NRG1: variants seen among roughly 807,000 people sequenced by gnomAD.
NRG1 encodes pro-neuregulin-1, membrane-bound isoform.
Under a neutral mutation model 63.8 loss-of-function variants are expected in NRG1, and 18 were observed. The observed-to-expected ratio is 0.28, with a 90% CI of 0.19 to 0.42. The LOEUF (loss-of-function observed/expected upper bound fraction) is 0.42. Ranked by LOEUF, NRG1 falls within the 10% of genes least tolerant of loss-of-function variation. The probability of loss-of-function intolerance (pLI) is 1.00; values close to 1 mark genes in which losing one functional copy is unlikely to be tolerated. For synonymous variants in NRG1, 302 were observed against 301.3 expected, an observed-to-expected ratio of 1.00 and a Z score of -0.02; for missense variants, 762 against 814.7, an observed-to-expected ratio of 0.94 and a Z score of 0.79.
chr8:32,007,997 T>C (rs747250314), intron 1 of NRG1, among the ~76,000 whole-genome samples: 6 of 152,000 alleles, frequency 3.9e-5, no homozygotes, highest in Non-Finnish European at 8.8e-5. Context: ...TGCTACATCA[T>C]GAAAGCTTAA....
intron 1 of NRG1, among the ~76,000 whole-genome samples, chr8:32,389,371 G>T (rs1395103265): frequency 6.6e-6 from 1 of 152,162 alleles, no homozygotes; most frequent in Non-Finnish European, 1.5e-5. Context: ...TTCAACCTGT[G>T]GGAGACCTAG....
rs182115483 is a variant in NRG1 at position 31,725,323 on chromosome 8, T to C, written c.37+85892T>C. On this transcript the variant is annotated intron_variant, in intron 1 of 10. Coordinates refer to the NRG1 transcript ENST00000519301. ...GATACTGAGAACATGCCTTGGCATA[T>C]GTTCCCAGCTAACGTTTGAGAAAAC... is the stretch of plus-strand genomic sequence containing the variant. Among the ~76,000 whole-genome samples the C allele has an allele frequency of 2.8e-3, 434 of 152,326 alleles. 3 individuals are homozygous for C. Among genetic ancestry groups the C allele is most frequent in the Non-Finnish European group, 5.4e-3 (367 of 68,020 alleles).
chr8:31,889,341 G>C (rs1830968012), intron 1 of NRG1, among the ~76,000 whole-genome samples: 1 of 152,114 alleles, frequency 6.6e-6, no homozygotes, highest in Admixed American at 6.5e-5. Flanking sequence ...TAAACTTCCT[G>C]AATTTGAAAA....
At chr8:31,917,031 C>T (rs1326292597) in intron 1 of NRG1, among the ~76,000 whole-genome samples, 69 of 151,468 alleles carry the variant, frequency 4.6e-4, no homozygotes, top group Non-Finnish European at 2.4e-4. Flanking sequence ...TCATGTCCTT[C>T]GCCCACTTTT....
At chr8:31,642,920 A>G (rs953062840) in intron 1 of NRG1, among the ~76,000 whole-genome samples, 3 of 152,182 alleles carry the variant, frequency 2.0e-5, no homozygotes, top group Middle Eastern at 3.2e-3. Context: ...AGCAAATAAT[A>G]TCAGCTATTT....
chr8:32,647,717 G>A (rs767911834), intron 5 of NRG1: 8 of 1,554,898 alleles, frequency 5.1e-6, no homozygotes, highest in African/African-American at 1.4e-5. Flanking sequence ...GAGGTGAGCC[G>A]ATGGAGATTT....
At chr8:32,560,547 G>T (rs542483412) in intron 1 of NRG1, among the ~76,000 whole-genome samples, 57 of 152,230 alleles carry the variant, frequency 3.7e-4, no homozygotes, top group Admixed American at 9.8e-4. Context: ...GGAGTTGATG[G>T]GTAGCAGTTT....
intron 1 of NRG1, among the ~76,000 whole-genome samples, chr8:32,056,807 A>G (rs1823023011): frequency 6.6e-6 from 1 of 152,204 alleles, no homozygotes; most frequent in Admixed American, 6.6e-5. Flanking sequence ...TGAAACTAAA[A>G]TAAGGCTTGC....
intron 1 of NRG1, among the ~76,000 whole-genome samples, chr8:32,382,282 G>A (rs1324730413): frequency 1.3e-5 from 2 of 152,074 alleles, no homozygotes; most frequent in African/African-American, 2.4e-5. Context: ...GTTTGTTGGC[G>A]ACTAGATAAT....
At chr8:32,727,998 G>A (rs1224695823) in exon 6 of NRG1, 3 of 1,614,096 alleles carry the variant, frequency 1.9e-6, no homozygotes, top group Non-Finnish European at 2.5e-6. Flanking sequence ...AATGTGCGGA[G>A]AAGGAGAAAA....
chr8:32,206,757 A>G (rs1387187289), intron 1 of NRG1, among the ~76,000 whole-genome samples: 3 of 152,174 alleles, frequency 2.0e-5, no homozygotes, highest in African/African-American at 4.8e-5. Flanking sequence ...TGTACATTGT[A>G]CGCATTAAGT....
intron 5 of NRG1, among the ~76,000 whole-genome samples, chr8:32,690,437 C>T (rs1033656749): frequency 2.6e-5 from 4 of 152,062 alleles, no homozygotes; most frequent in South Asian, 2.1e-4. Flanking sequence ...GCAAATTTAT[C>T]GTGGCTGGAC....
chr8:31,687,223 G>A (rs1808993442), intron 1 of NRG1, among the ~76,000 whole-genome samples: 1 of 152,100 alleles, frequency 6.6e-6, no homozygotes, highest in African/African-American at 2.4e-5. Flanking sequence ...TGCCCCTTAG[G>A]GAGGAGAAAG....
intron 5 of NRG1, among the ~76,000 whole-genome samples, chr8:32,668,515 C>G (rs1804809311): frequency 6.6e-6 from 1 of 152,148 alleles, no homozygotes; most frequent in Admixed American, 6.5e-5. Flanking sequence ...ACTAGGGAGA[C>G]TTCTGAGTTA....
At chr8:32,767,262 C>T (rs1831498728) in exon 12 of NRG1, 1 of 152,182 alleles carries the variant, frequency 6.6e-6, no homozygotes. Context: ...TTCAGTGTGA[C>T]TGTCTTGTTA....
At chr8:31,983,426 AGAGT>A (rs1392491940) in intron 1 of NRG1, among the ~76,000 whole-genome samples, 1 of 152,024 alleles carries the variant, frequency 6.6e-6, no homozygotes, top group African/African-American at 2.4e-5. Flanking sequence ...TGCCCAGACT[AGAGT>A]GCAGTGGTGT....
intron 1 of NRG1, among the ~76,000 whole-genome samples, chr8:32,391,128 G>C (rs1435802191): frequency 1.3e-5 from 2 of 151,748 alleles, no homozygotes; most frequent in Admixed American, 6.6e-5. Context: ...GTCCTTTTTT[G>C]GGGGGAGGGG....
intron 6 of NRG1, among the ~76,000 whole-genome samples, chr8:32,732,750 G>GA (rs1487163408): frequency 1.3e-5 from 2 of 148,978 alleles, no homozygotes; most frequent in Non-Finnish European, 1.5e-5. Context: ...GTAGACATTG[G>GA]AAAAATATAT....
At chr8:31,962,105 A>T (rs557557864) in intron 1 of NRG1, among the ~76,000 whole-genome samples, 1 of 152,156 alleles carries the variant, frequency 6.6e-6, no homozygotes, top group Admixed American at 6.5e-5. Flanking sequence ...AGAAATAACT[A>T]TCAGGAAATA....
Sources: allele counts gnomAD v4.1 joint callset (sites outside exome capture counted in the v4.1 genomes callset), GRCh38; gene constraint gnomAD v4.1.1; transcripts MANE v1.5; gene names NCBI Gene and HGNC (gene_info 2026-07-23, HGNC 2026-07-21).